The following ATG7 variants were observed in gnomAD, a reference collection of about 807,000 sequenced individuals.
ATG7 encodes the protein autophagy related 7.
A neutral mutation model predicts 82.4 loss-of-function variants in ATG7; 70 were observed. The observed-to-expected ratio is 0.85, with a 90% confidence interval of 0.70 to 1.04. The LOEUF (loss-of-function observed/expected upper bound fraction) is 1.04. Among genes scored for constraint, ATG7 ranks in the 50% least tolerant of loss-of-function variants. The pLI is 0.00. For missense variants in ATG7, 792 were observed against 864.3 expected (o/e 0.92, Z 1.05); for synonymous variants, 287 against 313.0 (o/e 0.92, Z 0.88).
intron 20 of ATG7, among the ~76,000 whole-genome samples, chr3:11,536,391 C>T (rs1240630461): frequency 6.6e-6 from 1 of 152,216 alleles, no homozygotes; most frequent in African/African-American, 2.4e-5. Flanking sequence ...CTTGGGCTAC[C>T]GGCTCCACCT....
At chr3:11,515,571 G>C (rs1466022131) in intron 20 of ATG7, among the ~76,000 whole-genome samples, 2 of 152,116 alleles carry the variant, frequency 1.3e-5, no homozygotes, top group Non-Finnish European at 2.9e-5. Context: ...ACCCCGCCCA[G>C]CCTCAAGTGT....
rs79885194 is a variant in ATG7, at chr3:11,377,210, C to G, written c.1876-2762C>G. 2.1e-3 allele frequency among the ~76,000 whole-genome samples: 327 copies of G among 152,316 alleles called. 1 individual carries two copies. The highest frequency in any genetic ancestry group is 7.5e-3 in the African/African-American group (312 of 41,558). On this transcript the variant is annotated intron_variant, in intron 18 of 20. Coordinates refer to ENST00000693202, the MANE Select transcript of ATG7 (RefSeq NM_001349232.2). ...GCAGTCGGTTGAGAAGAAGGGTTTC[C>G]TGTCTTGAATTATCTAAAACTGGAA... is the stretch of plus-strand genomic sequence containing the variant.
At chr3:11,566,779 G>A in the ATG7 span, among the ~76,000 whole-genome samples, 1 of 152,122 alleles carries the variant, frequency 6.6e-6, no homozygotes, top group African/African-American at 2.4e-5. Context: ...CACCGTCAAT[G>A]ATCTCTTCGT....
intron 19 of ATG7, among the ~76,000 whole-genome samples, chr3:11,397,194 A>G (rs1169787624): frequency 1.3e-5 from 2 of 152,204 alleles, no homozygotes; most frequent in East Asian, 1.9e-4. Flanking sequence ...AACTTACAGA[A>G]TGACTGAAAA....
chr3:11,476,947 T>C (rs2088321753), intron 20 of ATG7, among the ~76,000 whole-genome samples: 1 of 152,250 alleles, frequency 6.6e-6, no homozygotes. Context: ...TTAAGCAAAC[T>C]GCCATAAAAC....
chr3:11,378,911 TA>T (rs1287894468), intron 18 of ATG7, among the ~76,000 whole-genome samples: 2 of 152,048 alleles, frequency 1.3e-5, no homozygotes, highest in Non-Finnish European at 2.9e-5. Context: ...ATAGGATGGC[TA>T]AACGGTGGTG....
intron 20 of ATG7, among the ~76,000 whole-genome samples, chr3:11,479,758 A>G (rs1172127078): frequency 1.3e-5 from 2 of 152,158 alleles, no homozygotes; most frequent in East Asian, 3.8e-4. Context: ...GCATGTATGC[A>G]TTGTCCCTCG....
intron 1 of ATG7, among the ~76,000 whole-genome samples, chr3:11,276,856 C>T (rs544979752): frequency 2.0e-5 from 3 of 152,300 alleles, no homozygotes; most frequent in African/African-American, 7.2e-5. Flanking sequence ...GACCCCTGTT[C>T]TGTATCATAG....
intron 20 of ATG7, among the ~76,000 whole-genome samples, chr3:11,459,056 C>T (rs1360971936): frequency 2.0e-5 from 3 of 152,016 alleles, no homozygotes; most frequent in African/African-American, 7.3e-5. Context: ...TTCCTCAAGA[C>T]TGGTCCCTGG....
intron 2 of ATG7, among the ~76,000 whole-genome samples, chr3:11,281,970 C>A (rs1018576675): frequency 6.6e-6 from 1 of 152,254 alleles, no homozygotes; most frequent in Middle Eastern, 3.4e-3. Context: ...TTTTAGGAAA[C>A]CATCATAGAT....
chr3:11,395,743 A>G (rs113076529), intron 19 of ATG7, among the ~76,000 whole-genome samples: 5,233 of 151,884 alleles, frequency 0.034, 126 homozygotes, highest in Middle Eastern at 0.058. Flanking sequence ...GATCGAGACC[A>G]TCCTGGCTAA....
the ATG7 span, among the ~76,000 whole-genome samples, chr3:11,573,235 AAAAGAAATAGAGAAAGAAAG>A: frequency 5.4e-4 from 64 of 119,242 alleles, 9 homozygotes; most frequent in Admixed American, 3.8e-3. Flanking sequence ...AGACAGAAAG[AAAAGAAATAGAGAAAGAAAG>A]AAAGAAAGAA....
intron 20 of ATG7, among the ~76,000 whole-genome samples, chr3:11,528,186 T>G (rs1414449865): frequency 6.6e-6 from 1 of 152,246 alleles, no homozygotes; most frequent in African/African-American, 2.4e-5. Flanking sequence ...CAAGGTTTTC[T>G]GCACTGAATC....
intron 20 of ATG7, chr3:11,477,414 C>A: frequency 1.4e-6 from 1 of 700,888 alleles, no homozygotes. Flanking sequence ...TTATATAATT[C>A]TATTTCTTTT....
chr3:11,344,913 A>T (rs1275847289), intron 13 of ATG7, among the ~76,000 whole-genome samples: 2 of 152,094 alleles, frequency 1.3e-5, no homozygotes, highest in Non-Finnish European at 2.9e-5. Context: ...CTCACTTCAT[A>T]AGTCAAATTG....
At chr3:11,565,110 A>G in the ATG7 span, 4 of 1,237,252 alleles carry the variant, frequency 3.2e-6, no homozygotes, top group South Asian at 8.4e-5. The surrounding 1 kb of genome is among the most constrained non-coding windows in gnomAD (Gnocchi z 4.1). Context: ...TGCTTATTTA[A>G]TTTTTTACCC....
At chr3:11,331,200 T>A (rs936850020) in intron 9 of ATG7, 140 bp from the exon 10 acceptor site, 1 of 698,226 alleles carries the variant, frequency 1.4e-6, no homozygotes, top group Admixed American at 2.6e-5. Context: ...TTTCTTCTCC[T>A]CCCCTTAGCC....
chr3:11,435,953 A>G (rs2083333478), intron 20 of ATG7, among the ~76,000 whole-genome samples: 1 of 152,192 alleles, frequency 6.6e-6, no homozygotes, highest in African/African-American at 2.4e-5. Context: ...GGGAACTCTA[A>G]GCTGGGTGTG....
At chr3:11,507,591 C>T (rs1017776002) in intron 20 of ATG7, among the ~76,000 whole-genome samples, 3 of 152,086 alleles carry the variant, frequency 2.0e-5, no homozygotes, top group African/African-American at 4.8e-5. Flanking sequence ...GTGGTTTGTT[C>T]CCTCCATTAT....
Sources: gnomAD v4.1 joint callset for allele counts (sites outside exome capture counted in the v4.1 genomes callset) on GRCh38, gnomAD v4.1.1 for gene constraint, Gnocchi (gnomAD v3.1) non-coding constraint, MANE v1.5 for transcripts, NCBI Gene and HGNC (gene_info 2026-07-23, HGNC 2026-07-21) for gene names.